Variants in NHSL1 observed in about 807,000 individuals in gnomAD.
The protein encoded by NHSL1 is NHS-like protein 1.
NHSL1 carries 48 observed loss-of-function variants against 95.0 expected under a neutral mutation model. The ratio of observed to expected loss-of-function variants is 0.51; its 90% CI spans 0.40 to 0.64. The LOEUF (loss-of-function observed/expected upper bound fraction) is 0.64, where lower values mean the gene tolerates loss of function less well. NHSL1 is among the 30% of genes least tolerant of loss of function. The pLI, the probability that NHSL1 is intolerant of heterozygous loss-of-function variation, is 0.00. For synonymous variants in NHSL1, 783 were observed against 833.9 expected, an observed-to-expected ratio of 0.94 and a Z score of 1.05; for missense variants, 1,971 against 2,077.7, an observed-to-expected ratio of 0.95 and a Z score of 1.00.
intron 1 of NHSL1, among the ~76,000 whole-genome samples, chr6:138,496,863 T>C (rs1437049475): frequency 6.6e-6 from 1 of 152,254 alleles, no homozygotes; most frequent in African/African-American, 2.4e-5. Context: ...ATCACTGTTA[T>C]AAACTCAATT....
intron 5 of NHSL1, among the ~76,000 whole-genome samples, chr6:138,438,331 TC>T (rs1249224246): frequency 6.6e-6 from 1 of 152,228 alleles, no homozygotes; most frequent in Non-Finnish European, 1.5e-5. Flanking sequence ...TTTTTAGCAA[TC>T]AGGTATTTTT....
At chr6:138,501,102 TTTGAGG>T (rs1332959750), upstream of NHSL1, among the ~76,000 whole-genome samples, 1 of 152,182 alleles carries the variant, frequency 6.6e-6, no homozygotes. Flanking sequence ...TCCACAAGTG[TTTGAGG>T]TTAAGTGTCA....
Position 138,432,807 on chromosome 6 carries a change from G to A in NHSL1, c.1538C>T (p.Ser513Phe). The change falls in exon 6 of 8, where the codon TCC (serine) becomes TTC (phenylalanine). Residue 513 changes from serine to phenylalanine, a missense_variant. Ser to Phe is a radical substitution (Grantham distance 155, BLOSUM62 -2). This residue lies in a region of NHSL1 where 1,602 missense variants were observed against 1,654.5 expected (regional missense o/e 0.97). Transcript: ENST00000343505. The surrounding 1 kb of genome is among the most constrained non-coding windows in gnomAD (Gnocchi z 4.4). Reference protein sequence around the residue: ...LNAPANRENGSQAMPYNCRNN... With the variant: ...LNAPANRENGFQAMPYNCRNN... ...TCTACAATTATACGGCATAGCTTGG[G>A]ACCCATTCTCCCTATTTGCTGGAGC... is the stretch of plus-strand genomic sequence containing the variant. 1 of 1,551,660 alleles carries A rather than the reference G, an allele frequency of 6.4e-7. No homozygotes were observed. The highest frequency in any genetic ancestry group is 8.7e-7 in the Non-Finnish European group (1 of 1,146,970).
At chr6:138,559,402 C>T (rs1410978662) in intron 1 of NHSL1, among the ~76,000 whole-genome samples, 1 of 152,228 alleles carries the variant, frequency 6.6e-6, no homozygotes, top group African/African-American at 2.4e-5. Context: ...CTGCTGCCAA[C>T]TTTCAAGGCT....
At chr6:138,643,309 C>A (rs1448867556) in intron 1 of NHSL1, among the ~76,000 whole-genome samples, 2 of 152,158 alleles carry the variant, frequency 1.3e-5, no homozygotes, top group Non-Finnish European at 2.9e-5. Context: ...ACTTCCACAC[C>A]TGCACAGCCT....
intron 4 of NHSL1, among the ~76,000 whole-genome samples, chr6:138,445,262 A>G (rs1244990470): frequency 6.6e-6 from 1 of 152,178 alleles, no homozygotes; most frequent in African/African-American, 2.4e-5. Context: ...ATTATTTCAT[A>G]GGCACTTAAT....
At chr6:138,639,294 C>A (rs997918198) in intron 1 of NHSL1, among the ~76,000 whole-genome samples, 1 of 151,866 alleles carries the variant, frequency 6.6e-6, no homozygotes, top group African/African-American at 2.4e-5. Context: ...TCATTTGCCA[C>A]AAAATAAATA....
At chr6:138,525,580 A>AAAT (rs1781871683) in intron 1 of NHSL1, among the ~76,000 whole-genome samples, 1 of 147,990 alleles carries the variant, frequency 6.8e-6, no homozygotes, top group Non-Finnish European at 1.5e-5. Flanking sequence ...AATAAATAAA[A>AAAT]AGGGAAAGAT....
chr6:138,524,124 G>C (rs79827958), intron 1 of NHSL1, among the ~76,000 whole-genome samples: 1 of 152,140 alleles, frequency 6.6e-6, no homozygotes, highest in Non-Finnish European at 1.5e-5. Context: ...GACCCTGAAG[G>C]TTCCCTCCTA....
intron 1 of NHSL1, among the ~76,000 whole-genome samples, chr6:138,664,152 A>G (rs1243055017): frequency 6.6e-6 from 1 of 152,216 alleles, no homozygotes; most frequent in South Asian, 2.1e-4. Context: ...TTCCAGGGGA[A>G]GATCCAGAAG....
upstream of NHSL1, among the ~76,000 whole-genome samples, chr6:138,575,407 T>C (rs1425561599): frequency 2.0e-5 from 3 of 152,180 alleles, no homozygotes; most frequent in East Asian, 5.8e-4. Context: ...GCCAAAATGA[T>C]AACTAGTCCA....
intron 2 of NHSL1, among the ~76,000 whole-genome samples, chr6:138,479,903 G>A (rs1420863682): frequency 6.6e-6 from 1 of 152,186 alleles, no homozygotes; most frequent in Non-Finnish European, 1.5e-5. Flanking sequence ...AATATAATCT[G>A]AAGGGGTAAA....
intron 3 of NHSL1, among the ~76,000 whole-genome samples, chr6:138,460,872 A>G (rs537841719): frequency 8.6e-4 from 130 of 151,222 alleles, no homozygotes; most frequent in Non-Finnish European, 1.4e-3. Flanking sequence ...TGAACTCAAT[A>G]TCCATAGCAC....
chr6:138,568,872 A>T (rs1038240241), intron 1 of NHSL1, among the ~76,000 whole-genome samples: 10 of 152,252 alleles, frequency 6.6e-5, no homozygotes, highest in African/African-American at 2.4e-4. Context: ...GGTTTGTTGT[A>T]CTGAAAGATA....
chr6:138,658,103 AG>A (rs1192704566), intron 1 of NHSL1, among the ~76,000 whole-genome samples: 1 of 152,168 alleles, frequency 6.6e-6, no homozygotes, highest in Non-Finnish European at 1.5e-5. Flanking sequence ...TCCATAAATG[AG>A]GCTATAGGAG....
intron 1 of NHSL1, among the ~76,000 whole-genome samples, chr6:138,663,560 CAAAAA>C (rs56870354): frequency 1.0e-5 from 1 of 95,556 alleles, no homozygotes; most frequent in Non-Finnish European, 2.2e-5. Context: ...AACTCCATCT[CAAAAA>C]AAAAAAAAAA....
chr6:138,564,093 T>C (rs1414379842), intron 1 of NHSL1, among the ~76,000 whole-genome samples: 4 of 152,204 alleles, frequency 2.6e-5, no homozygotes, highest in Admixed American at 6.5e-5. Flanking sequence ...AAGAGCTTGA[T>C]ACATGCATAG....
chr6:138,463,004 T>C lies in NHSL1; in HGVS notation c.339+10302A>G, dbSNP rs1319531424. ...TCAGGGGGTGAAATAATTTTTGTAA[T>C]GAGATTCTAGAGAGACCAAGCTAGA... On this transcript the variant is annotated intron_variant, in intron 3 of 7. Transcript: ENST00000343505. 2.0e-5 allele frequency among the ~76,000 whole-genome samples: 3 copies of C among 152,158 alleles called. No individual in the cohort carries two copies. In the East Asian group the frequency reaches 5.8e-4, roughly 29 times the overall value.
chr6:138,467,790 T>C (rs1210550221), intron 3 of NHSL1, among the ~76,000 whole-genome samples: 1 of 152,234 alleles, frequency 6.6e-6, no homozygotes, highest in African/African-American at 2.4e-5. Context: ...TTTGTACAGC[T>C]ATACAATGTA....
Sources: gnomAD v4.1 joint callset for allele counts (sites outside exome capture counted in the v4.1 genomes callset) on GRCh38, gnomAD v4.1.1 for gene constraint, gnomAD v4.1.1 regional missense constraint, Gnocchi (gnomAD v3.1) non-coding constraint, MANE v1.5 for transcripts, NCBI Gene and HGNC (gene_info 2026-07-23, HGNC 2026-07-21) for gene names.